MAPK10: variants seen among roughly 807,000 people sequenced by gnomAD.
The protein encoded by MAPK10 is JNK3 alpha protein kinase.
Under a neutral mutation model 59.3 loss-of-function variants are expected in MAPK10, and 25 were observed. That is an observed-to-expected ratio of 0.42 (90% CI 0.31 to 0.59). The LOEUF is 0.59. MAPK10 is among the 20% of genes least tolerant of loss of function. The probability of loss-of-function intolerance (pLI) is 0.15; values close to 1 mark genes in which losing one functional copy is unlikely to be tolerated. For missense variants in MAPK10, 351 were observed against 568.9 expected (o/e 0.62, Z 3.90); for synonymous variants, 190 against 200.5 (o/e 0.95, Z 0.44).
rs1345596761 is a variant in MAPK10, at chr4:86,015,596, C to T, written c.*1632G>A. The T allele has an allele frequency of 3.9e-5, 6 of 152,216 alleles. No homozygotes were observed. The highest frequency in any genetic ancestry group is 8.8e-5 in the Non-Finnish European group (6 of 68,036). 9.4% of individuals were successfully genotyped at this position (152,216 alleles called of 1,614,324 possible). On this transcript the variant is annotated 3_prime_UTR_variant, in exon 14 of 14. Transcript: ENST00000641462. ...ACATAACCAAGATGTTTCACAGTGC[C>T]TCCTTAAGTGCTCAGGAAAGCACTT...
intron 1 of MAPK10, chr4:86,356,751 G>C (rs1175970422): frequency 3.9e-5 from 6 of 152,150 alleles, no homozygotes; most frequent in Admixed American, 3.3e-4. Flanking sequence ...TGAATCAGCA[G>C]TACAGTGTCT....
rs189696508 is a variant in MAPK10, at chr4:86,555,368, C to T, written c.-263+38542G>A. Reference sequence around the variant, plus strand: ...GGCTGAGGCAGGAGAATTGCTTGAACCTAGGAGGCGGAGGTTGCAGTAAGC... The same window carrying T: ...GGCTGAGGCAGGAGAATTGCTTGAATCTAGGAGGCGGAGGTTGCAGTAAGC... On this transcript the variant is annotated intron_variant, in intron 1 of 4. Coordinates refer to the MAPK10 transcript ENST00000502302. Among the ~76,000 whole-genome samples, 890 of 152,240 alleles carry T rather than the reference C, an allele frequency of 5.8e-3. 4 individuals carry two copies. Among genetic ancestry groups the T allele is most frequent in the Non-Finnish European group, 0.01 (714 of 68,022 alleles).
At chr4:86,315,460 A>G (rs999978968) in intron 2 of MAPK10, among the ~76,000 whole-genome samples, 1 of 152,138 alleles carries the variant, frequency 6.6e-6, no homozygotes, top group African/African-American at 2.4e-5. Flanking sequence ...CCCACTTTCC[A>G]TGATGTGATT....
chr4:86,482,667 C>T (rs1488970334), intron 1 of MAPK10, among the ~76,000 whole-genome samples: 2 of 152,110 alleles, frequency 1.3e-5, no homozygotes, highest in East Asian at 3.8e-4. Flanking sequence ...GAAGGACTAG[C>T]TCAGTAAAGT....
At chr4:86,260,137 T>G (rs912466445) in intron 2 of MAPK10, among the ~76,000 whole-genome samples, 1 of 152,072 alleles carries the variant, frequency 6.6e-6, no homozygotes, top group Non-Finnish European at 1.5e-5. Context: ...AGTTTCCAGA[T>G]GAAGACACTG....
chr4:86,296,595 A>G (rs911057427), intron 2 of MAPK10, among the ~76,000 whole-genome samples: 3 of 152,212 alleles, frequency 2.0e-5, no homozygotes, highest in Non-Finnish European at 4.4e-5. Context: ...ACTGGCAAAC[A>G]TAGAACTGGA....
rs114816549 is a variant in MAPK10, at chr4:86,174,712, G to A, written c.67-15245C>T. On this transcript the variant is annotated intron_variant, in intron 3 of 13. Coordinates refer to ENST00000641462, the MANE Select transcript of MAPK10 (RefSeq NM_138982.4). ...GGATGACTAAACTCCTGAGTCACCA[G>A]ATAGAGGACAACCCTTGCTCACCTG... Among the ~76,000 whole-genome samples, 936 of 152,282 alleles carry A rather than the reference G, an allele frequency of 6.1e-3. 5 individuals carry two copies. Among genetic ancestry groups the A allele is most frequent in the African/African-American group, 0.021 (877 of 41,576 alleles).
At chr4:86,472,142 C>T (rs1404616449) in intron 1 of MAPK10, among the ~76,000 whole-genome samples, 4 of 152,036 alleles carry the variant, frequency 2.6e-5, no homozygotes, top group Non-Finnish European at 5.9e-5. Context: ...AAAGAGTTTT[C>T]TGTTTGAAAA....
At chr4:86,311,987 G>A (rs1259141210) in intron 2 of MAPK10, among the ~76,000 whole-genome samples, 3 of 151,956 alleles carry the variant, frequency 2.0e-5, no homozygotes, top group Non-Finnish European at 2.9e-5. Context: ...CTATTATTTT[G>A]TATACATCCT....
chr4:86,459,087 A>C (rs1254967628), intron 1 of MAPK10, among the ~76,000 whole-genome samples: 3 of 152,228 alleles, frequency 2.0e-5, no homozygotes, highest in Non-Finnish European at 4.4e-5. Flanking sequence ...CAAGGCCATA[A>C]AAAAGTGGGC....
chr4:86,311,700 T>C (rs1363554118), intron 2 of MAPK10, among the ~76,000 whole-genome samples: 2 of 152,110 alleles, frequency 1.3e-5, no homozygotes, highest in African/African-American at 4.8e-5. Context: ...GCAAGCCCTC[T>C]GTCACATGCC....
At chr4:86,430,077 T>C (rs1480484536) in intron 1 of MAPK10, among the ~76,000 whole-genome samples, 1 of 152,200 alleles carries the variant, frequency 6.6e-6, no homozygotes, top group African/African-American at 2.4e-5. Context: ...GTCAGGTATA[T>C]ATAGATATAC....
At chr4:86,290,722 T>C (rs1584162159) in intron 2 of MAPK10, among the ~76,000 whole-genome samples, 2 of 152,262 alleles carry the variant, frequency 1.3e-5, no homozygotes. Flanking sequence ...AAAACATGAA[T>C]TGATGAATAA....
At chr4:86,469,022 C>G (rs563026640) in intron 1 of MAPK10, among the ~76,000 whole-genome samples, 1 of 152,222 alleles carries the variant, frequency 6.6e-6, no homozygotes, top group South Asian at 2.1e-4. Context: ...AAAGCAAAGA[C>G]TCAGAGGGGC....
chr4:86,053,228 A>G (rs908163076), intron 11 of MAPK10, among the ~76,000 whole-genome samples: 2 of 152,192 alleles, frequency 1.3e-5, no homozygotes, highest in Non-Finnish European at 2.9e-5. Flanking sequence ...CTTGCAGAAA[A>G]CAATATTACC....
intron 2 of MAPK10, among the ~76,000 whole-genome samples, chr4:86,197,333 T>C (rs1303233662): frequency 1.3e-5 from 2 of 152,178 alleles, no homozygotes; most frequent in Admixed American, 6.6e-5. Flanking sequence ...CAGTTGTGAA[T>C]GGGAGTTCAC....
At position 86,340,586 on chromosome 4, in the gene MAPK10, G is replaced by A. The variant is rs556005747; in HGVS notation, c.-7+13944C>T. ...CCATGTCCCTCCCCTGACACTTGGG[G>A]ATTACAATTCATCATGAGATTTGGG... On this transcript the variant is annotated intron_variant, in intron 2 of 13. Coordinates refer to ENST00000641462, the MANE Select transcript of MAPK10 (RefSeq NM_138982.4). 6 of 152,126 alleles carry A rather than the reference G, an allele frequency of 3.9e-5. No homozygotes were observed. The South Asian group carries it at 1.2e-3, about 32-fold the overall frequency. The allele number at this position is 152,126 out of a possible 1,614,324, so 9.4% of individuals were successfully genotyped here.
At chr4:86,129,235 A>G (rs890293482) in intron 4 of MAPK10, among the ~76,000 whole-genome samples, 15 of 152,280 alleles carry the variant, frequency 9.9e-5, no homozygotes, top group South Asian at 4.1e-4. Context: ...TCACAAAACA[A>G]TTAGTTTATG....
intron 4 of MAPK10, chr4:86,120,626 T>A (rs1202546673): frequency 3.3e-5 from 5 of 152,238 alleles, no homozygotes; most frequent in Non-Finnish European, 7.3e-5. Flanking sequence ...GCACACAGAC[T>A]GTCTCAGTTT....
Sources: gnomAD v4.1 joint callset for allele counts (sites outside exome capture counted in the v4.1 genomes callset) on GRCh38, gnomAD v4.1.1 for gene constraint, MANE v1.5 for transcripts, NCBI Gene and HGNC (gene_info 2026-07-23, HGNC 2026-07-21) for gene names.